THSD7A: variants seen among roughly 807,000 people sequenced by gnomAD.
THSD7A encodes thrombospondin type-1 domain-containing protein 7A.
A neutral mutation model predicts 231.3 loss-of-function variants in THSD7A; 96 were observed. The ratio of observed to expected loss-of-function variants is 0.41; its 90% CI spans 0.35 to 0.49. The LOEUF (loss-of-function observed/expected upper bound fraction) is 0.49. THSD7A is among the 20% of genes least tolerant of loss of function. The pLI, the probability that THSD7A is intolerant of heterozygous loss-of-function variation, is 0.05. For synonymous variants in THSD7A, 940 were observed against 743.3 expected, an observed-to-expected ratio of 1.26 and a Z score of -4.30; for missense variants, 2,290 against 2,070.2, an observed-to-expected ratio of 1.11 and a Z score of -2.06.
chr7:11,649,214 C>A (rs968138474), intron 1 of THSD7A, among the ~76,000 whole-genome samples: 1 of 151,952 alleles, frequency 6.6e-6, no homozygotes, highest in African/African-American at 2.4e-5. Flanking sequence ...AGACCTCCTG[C>A]CAGCAACCAT....
In THSD7A at chr7:11,417,591, A is replaced by G. The variant is rs778867056; in HGVS notation, c.3396T>C (p.Asn1132=). The change falls in exon 17 of 28, where the codon AAT becomes AAC. Residue 1132 remains asparagine, a synonymous_variant. Transcript: ENST00000423059. ...VQTRKVRCMQ[N]TADGPSEHVE... is the part of the protein sequence containing the mutation. Reference sequence around the variant, plus strand: ...CATGTTCAGAAGGGCCATCTGCTGTATTCTGCATGCATCTAGAAAAGAACA... The same window carrying G: ...CATGTTCAGAAGGGCCATCTGCTGTGTTCTGCATGCATCTAGAAAAGAACA... 1.9e-6 allele frequency: 3 copies of G among 1,601,700 alleles called. No individual in the cohort carries two copies. In the East Asian group the frequency reaches 6.7e-5, roughly 36 times the overall value.
At chr7:11,617,360 A>G (rs1781143498) in intron 2 of THSD7A, among the ~76,000 whole-genome samples, 1 of 152,198 alleles carries the variant, frequency 6.6e-6, no homozygotes, top group Admixed American at 6.5e-5. Flanking sequence ...CCTCTTGCAA[A>G]AGTGCTCCTA....
rs759769521 is a variant in THSD7A at position 11,407,429 on chromosome 7, A to G, written c.3799-6T>C. 5 of 1,605,590 alleles carry G rather than the reference A, an allele frequency of 3.1e-6. No homozygotes were observed. In the South Asian group the frequency reaches 5.6e-5, roughly 18 times the overall value. ...CAGTTCTTCTCCAAGCCAAGCTGGA[A>G]GAACAGAGGTAGATCAGGATGTATA... On this transcript the variant is annotated splice_region_variant and splice_polypyrimidine_tract_variant and intron_variant, in intron 19 of 27. Coordinates refer to ENST00000423059, the MANE Select transcript of THSD7A (RefSeq NM_015204.3).
intron 1 of THSD7A, among the ~76,000 whole-genome samples, chr7:11,760,410 T>C (rs1282200181): frequency 6.6e-6 from 1 of 151,946 alleles, no homozygotes; most frequent in African/African-American, 2.4e-5. Flanking sequence ...CATTTGATTA[T>C]AAAGAACAGT....
intron 13 of THSD7A, among the ~76,000 whole-genome samples, chr7:11,432,863 T>G (rs1583730525): frequency 6.6e-6 from 1 of 150,650 alleles, no homozygotes; most frequent in African/African-American, 2.4e-5. Flanking sequence ...ATGGTATGTA[T>G]ATTATATTAT....
chr7:11,741,586 G>A (rs1159380525), intron 1 of THSD7A, among the ~76,000 whole-genome samples: 1 of 151,888 alleles, frequency 6.6e-6, no homozygotes, highest in Non-Finnish European at 1.5e-5. Flanking sequence ...TATTAGACAA[G>A]TGAAACTTAA....
At chr7:11,638,672 C>T (rs938175793) in intron 1 of THSD7A, among the ~76,000 whole-genome samples, 1 of 151,960 alleles carries the variant, frequency 6.6e-6, no homozygotes, top group Non-Finnish European at 1.5e-5. Context: ...ATGTAAAATG[C>T]TCATGCTTAT....
At chr7:11,449,729 C>G (rs1785084704) in intron 11 of THSD7A, among the ~76,000 whole-genome samples, 1 of 152,020 alleles carries the variant, frequency 6.6e-6, no homozygotes, top group African/African-American at 2.4e-5. Flanking sequence ...GAAGTTCTTT[C>G]TACACCTGCC....
chr7:11,467,191 C>T (rs1332301663), intron 9 of THSD7A, among the ~76,000 whole-genome samples: 2 of 152,100 alleles, frequency 1.3e-5, no homozygotes, highest in Non-Finnish European at 2.9e-5. Context: ...GTCTCCAATC[C>T]TCACTTGCAA....
rs116281842 is a variant in THSD7A, at chr7:11,615,685, A to G, written c.1022+20445T>C. On this transcript the variant is annotated intron_variant, in intron 2 of 27. Coordinates refer to ENST00000423059, the MANE Select transcript of THSD7A (RefSeq NM_015204.3). ...TTTTTTGCTCAATCCCTTCTATAGT[A>G]CAAGAGCACAACCTTTTCTTTTAAT... Among the ~76,000 whole-genome samples, 353 of 152,286 alleles carry G rather than the reference A, an allele frequency of 2.3e-3. 2 individuals are homozygous for G. The highest frequency in any genetic ancestry group is 8.0e-3 in the African/African-American group (333 of 41,574).
At chr7:11,594,028 C>A in intron 2 of THSD7A, among the ~76,000 whole-genome samples, 1 of 152,164 alleles carries the variant, frequency 6.6e-6, no homozygotes, top group East Asian at 1.9e-4. Context: ...CAGACCCACC[C>A]TTAATCTGAG....
intron 1 of THSD7A, among the ~76,000 whole-genome samples, chr7:11,734,798 T>A (rs1017809040): frequency 2.0e-5 from 3 of 151,954 alleles, no homozygotes; most frequent in Non-Finnish European, 4.4e-5. Flanking sequence ...CCATATTTCC[T>A]GAAAAGTATG....
chr7:11,655,351 G>A (rs1260498188), intron 1 of THSD7A, among the ~76,000 whole-genome samples: 1 of 151,846 alleles, frequency 6.6e-6, no homozygotes, highest in African/African-American at 2.4e-5. Flanking sequence ...TGGTGACAGA[G>A]CTCATTGTTT....
intron 2 of THSD7A, among the ~76,000 whole-genome samples, chr7:11,620,078 A>G (rs1352298604): frequency 6.6e-6 from 1 of 152,162 alleles, no homozygotes; most frequent in Non-Finnish European, 1.5e-5. Flanking sequence ...AATGTGATGA[A>G]CTGTCTCAAT....
intron 1 of THSD7A, among the ~76,000 whole-genome samples, chr7:11,796,359 C>G (rs1784126896): frequency 6.6e-6 from 1 of 151,310 alleles, no homozygotes; most frequent in Non-Finnish European, 1.5e-5. Flanking sequence ...AAAAAGGATA[C>G]TGGCATTTCT....
intron 3 of THSD7A, among the ~76,000 whole-genome samples, 169 bp downstream of exon 3, chr7:11,593,085 T>G (rs2883563): frequency 0.044 from 6,732 of 152,294 alleles, 467 homozygotes; most frequent in African/African-American, 0.15. Flanking sequence ...GGAGATTTAG[T>G]TTGTCAGGAC....
At chr7:11,574,436 C>CTTTTTTT (rs535754264) in intron 4 of THSD7A, among the ~76,000 whole-genome samples, 2 of 138,236 alleles carry the variant, frequency 1.4e-5, no homozygotes, top group Non-Finnish European at 3.1e-5. Context: ...GAAACAAAAA[C>CTTTTTTT]TTTTTTTTTT....
chr7:11,756,131 C>G (rs1318045826), intron 1 of THSD7A, among the ~76,000 whole-genome samples: 1 of 152,020 alleles, frequency 6.6e-6, no homozygotes, highest in African/African-American at 2.4e-5. Flanking sequence ...GTTATTCATC[C>G]TGGGTCCTTT....
chr7:11,697,783 A>T (rs1409626039), intron 1 of THSD7A, among the ~76,000 whole-genome samples: 1 of 151,446 alleles, frequency 6.6e-6, no homozygotes, highest in Non-Finnish European at 1.5e-5. Flanking sequence ...AACCTGTCCA[A>T]TAAGAAGAAC....
Sources: allele counts gnomAD v4.1 joint callset (sites outside exome capture counted in the v4.1 genomes callset), GRCh38; gene constraint gnomAD v4.1.1; transcripts MANE v1.5; gene names NCBI Gene and HGNC (gene_info 2026-07-23, HGNC 2026-07-21).